SHISAL1: variants seen among roughly 807,000 people sequenced by gnomAD.
The protein encoded by SHISAL1 is protein shisa-like-1.
Under a neutral mutation model 22.6 loss-of-function variants are expected in SHISAL1, and 9 were observed. The ratio of observed to expected loss-of-function variants is 0.40; its 90% confidence interval spans 0.24 to 0.70. The LOEUF is 0.70. Ranked by LOEUF, SHISAL1 falls within the 30% of genes least tolerant of loss-of-function variation. SHISAL1 has a pLI of 0.39. For synonymous variants in SHISAL1, 119 were observed against 115.4 expected (o/e 1.03, Z -0.20); for missense variants, 246 against 270.6 (o/e 0.91, Z 0.64).
chr22:44,257,602 C>A, intron 4 of SHISAL1, among the ~76,000 whole-genome samples: 1 of 152,220 alleles, frequency 6.6e-6, no homozygotes, highest in East Asian at 1.9e-4. Context: ...AAAATCTATT[C>A]ATTACCTAGA....
chr22:44,316,186 G>A (rs1426958923), upstream of SHISAL1, among the ~76,000 whole-genome samples: 1 of 152,156 alleles, frequency 6.6e-6, no homozygotes, highest in African/African-American at 2.4e-5. Context: ...TTGGGACGTG[G>A]TGCACCCTGG....
chr22:44,279,399 T>A (rs868742119), intron 4 of SHISAL1, among the ~76,000 whole-genome samples: 2 of 152,198 alleles, frequency 1.3e-5, no homozygotes, highest in African/African-American at 4.8e-5. Context: ...AGATATTTGG[T>A]CATCTCCCTT....
At chr22:44,290,953 C>G (rs1315309692) in intron 3 of SHISAL1, among the ~76,000 whole-genome samples, 2 of 152,154 alleles carry the variant, frequency 1.3e-5, no homozygotes, top group Non-Finnish European at 2.9e-5. Context: ...CTGGATATAC[C>G]TGGTGAAGCA....
chr22:44,267,417 C>T (rs1302158898), intron 4 of SHISAL1, among the ~76,000 whole-genome samples: 3 of 152,068 alleles, frequency 2.0e-5, no homozygotes, highest in Admixed American at 6.6e-5. Context: ...TTCTCAGCCC[C>T]CACCCCAGGC....
intron 4 of SHISAL1, among the ~76,000 whole-genome samples, chr22:44,279,116 C>T (rs1007983369): frequency 6.6e-6 from 1 of 152,166 alleles, no homozygotes; most frequent in African/African-American, 2.4e-5. Flanking sequence ...TACCCACCAC[C>T]GCGGAGTGAC....
At chr22:44,272,485 T>C (rs1016408053) in intron 4 of SHISAL1, among the ~76,000 whole-genome samples, 1 of 152,194 alleles carries the variant, frequency 6.6e-6, no homozygotes, top group Non-Finnish European at 1.5e-5. Flanking sequence ...CAATAAATGC[T>C]TGCTGAATAA....
At chr22:44,271,667 T>G (rs1263171607) in intron 4 of SHISAL1, among the ~76,000 whole-genome samples, 2 of 152,258 alleles carry the variant, frequency 1.3e-5, no homozygotes, top group African/African-American at 4.8e-5. Context: ...AAATTCCTTC[T>G]CCACTCGCTC....
the SHISAL1 span, among the ~76,000 whole-genome samples, chr22:44,318,310 T>TG: frequency 1.4e-4 from 21 of 152,372 alleles, no homozygotes; most frequent in African/African-American, 4.8e-4. Flanking sequence ...AGTGTGCTGT[T>TG]GCTTTGGGGG....
the SHISAL1 span, among the ~76,000 whole-genome samples, chr22:44,323,231 TATCC>T: frequency 2.4e-4 from 23 of 97,526 alleles, 1 homozygote; most frequent in East Asian, 6.9e-4. Flanking sequence ...TCCACCCATT[TATCC>T]ATCCATCCAT....
the SHISAL1 span, among the ~76,000 whole-genome samples, chr22:44,318,504 G>A: frequency 2.6e-5 from 4 of 152,198 alleles, no homozygotes; most frequent in Non-Finnish European, 5.9e-5. Flanking sequence ...AGGACAGGAC[G>A]TGCAGGCTGG....
intron 3 of SHISAL1, among the ~76,000 whole-genome samples, chr22:44,288,938 G>A (rs1417212035): frequency 6.6e-6 from 1 of 152,226 alleles, no homozygotes; most frequent in African/African-American, 2.4e-5. Flanking sequence ...AGGCGGGGTT[G>A]GGGTTCAAAT....
intron 4 of SHISAL1, among the ~76,000 whole-genome samples, chr22:44,252,481 AAAAC>A (rs2055054709): frequency 6.6e-6 from 1 of 152,176 alleles, no homozygotes; most frequent in Non-Finnish European, 1.5e-5. Context: ...CACAGAAAAT[AAAAC>A]AAAGACAACA....
At chr22:44,277,991 T>C (rs2055251762) in intron 4 of SHISAL1, among the ~76,000 whole-genome samples, 1 of 152,158 alleles carries the variant, frequency 6.6e-6, no homozygotes, top group South Asian at 2.1e-4. Context: ...AGTGTCCTTG[T>C]GATGGTTAAT....
At chr22:44,271,716 G>C (rs959429748) in intron 4 of SHISAL1, among the ~76,000 whole-genome samples, 8 of 152,194 alleles carry the variant, frequency 5.3e-5, no homozygotes, top group African/African-American at 1.9e-4. Context: ...GGCCTATTAA[G>C]GGCCCCTGAA....
chr22:44,254,446 A>C (rs553920774), intron 4 of SHISAL1, among the ~76,000 whole-genome samples: 44 of 152,066 alleles, frequency 2.9e-4, no homozygotes, highest in Non-Finnish European at 4.3e-4. Flanking sequence ...CTGCAACCTC[A>C]AACTCCTGGG....
At chr22:44,282,988 G>A (rs1278090753) in intron 4 of SHISAL1, among the ~76,000 whole-genome samples, 1 of 152,170 alleles carries the variant, frequency 6.6e-6, no homozygotes, top group Non-Finnish European at 1.5e-5. Context: ...CACACAGCTG[G>A]GAGGACCTTG....
intron 4 of SHISAL1, among the ~76,000 whole-genome samples, chr22:44,262,821 G>A (rs1005058004): frequency 6.6e-6 from 1 of 152,222 alleles, no homozygotes; most frequent in Admixed American, 6.5e-5. Flanking sequence ...GCTGGTGCCT[G>A]CAACCTAAGT....
intron 4 of SHISAL1, among the ~76,000 whole-genome samples, chr22:44,265,056 TC>T (rs1207976307): frequency 6.6e-6 from 1 of 152,052 alleles, no homozygotes; most frequent in Non-Finnish European, 1.5e-5. Flanking sequence ...CTGCTCTCAG[TC>T]CCCCCATCTG....
At chr22:44,289,495 T>TGTGTGTGTGTGTGTG (rs369474296) in intron 3 of SHISAL1, among the ~76,000 whole-genome samples, 2 of 149,632 alleles carry the variant, frequency 1.3e-5, no homozygotes, top group Admixed American at 6.6e-5. Flanking sequence ...TGTGTGTGTG[T>TGTGTGTGTGTGTGTG]TTACTGCCGG....
Sources: gnomAD v4.1 joint callset for allele counts (sites outside exome capture counted in the v4.1 genomes callset) on GRCh38, gnomAD v4.1.1 for gene constraint, MANE v1.5 for transcripts, NCBI Gene and HGNC (gene_info 2026-07-23, HGNC 2026-07-21) for gene names.